INSL6: variants seen among roughly 807,000 people sequenced by gnomAD.
INSL6 encodes the protein insulin-like peptide INSL6.
In INSL6, 16 loss-of-function variants were observed where a neutral mutation model predicts 9.4. The ratio of observed to expected loss-of-function variants is 1.70; its 90% CI spans 1.15 to 2.59. The LOEUF (loss-of-function observed/expected upper bound fraction) is 2.59. Ranked by LOEUF, INSL6 falls within the 30% of genes most tolerant of loss-of-function variation. The pLI is 0.00. For synonymous variants in INSL6, 154 were observed against 96.9 expected, an observed-to-expected ratio of 1.59 and a Z score of -3.46; for missense variants, 391 against 257.3, an observed-to-expected ratio of 1.52 and a Z score of -3.56.
At chr9:5,039,001 C>A in the INSL6 span, among the ~76,000 whole-genome samples, 1 of 152,178 alleles carries the variant, frequency 6.6e-6, no homozygotes, top group South Asian at 2.1e-4. Context: ...TGGCAAGGAA[C>A]TTCCTCAATT....
At chr9:5,059,383 T>G in the INSL6 span, among the ~76,000 whole-genome samples, 1 of 152,222 alleles carries the variant, frequency 6.6e-6, no homozygotes, top group East Asian at 1.9e-4. Flanking sequence ...TTTATGTTGT[T>G]ACATGTGTCA....
At chr9:5,160,176 CA>C (rs567544530), downstream of INSL6, among the ~76,000 whole-genome samples, 34,281 of 83,568 alleles carry the variant, frequency 0.41, 4,102 homozygotes, top group African/African-American at 0.47. Context: ...AACTCGGTCT[CA>C]AAAAAAAAAA....
chr9:5,156,847 T>G (rs1440940526), intron 2 of INSL6, among the ~76,000 whole-genome samples: 3 of 151,948 alleles, frequency 2.0e-5, no homozygotes, highest in Non-Finnish European at 4.4e-5. Context: ...TACAAACACA[T>G]ACTAGCAACA....
At chr9:4,992,037 A>G in the INSL6 span, among the ~76,000 whole-genome samples, 1 of 152,334 alleles carries the variant, frequency 6.6e-6, no homozygotes, top group South Asian at 2.1e-4. Context: ...TAATTGAGAC[A>G]GGGCACACCA....
the INSL6 span, chr9:5,114,493 C>G: frequency 4.3e-6 from 2 of 466,680 alleles, no homozygotes; most frequent in Admixed American, 2.6e-5. Context: ...TGTGCTCCCC[C>G]ACAGGTCTAC....
chr9:5,023,469 T>C, the INSL6 span, among the ~76,000 whole-genome samples: 1 of 152,146 alleles, frequency 6.6e-6, no homozygotes, highest in Non-Finnish European at 1.5e-5. Flanking sequence ...ACTTCCTCAC[T>C]GGAATAGGAA....
At chr9:5,100,686 C>CTGAT in the INSL6 span, 1 of 152,176 alleles carries the variant, frequency 6.6e-6, no homozygotes, top group African/African-American at 2.4e-5. Flanking sequence ...TCATCACAGC[C>CTGAT]TGATAGAAGG....
chr9:5,009,246 A>T, the INSL6 span, among the ~76,000 whole-genome samples: 16 of 152,298 alleles, frequency 1.1e-4, no homozygotes, highest in African/African-American at 3.6e-4. Flanking sequence ...CGATCCATTT[A>T]TTTATTTCTA....
intron 3 of INSL6, chr9:5,132,685 G>A (rs1824314350): frequency 6.6e-6 from 1 of 152,138 alleles, no homozygotes; most frequent in African/African-American, 2.4e-5. Flanking sequence ...AATGGTTGTA[G>A]TAGTGAAACT....
chr9:5,018,143 G>T, the INSL6 span, among the ~76,000 whole-genome samples: 6 of 152,080 alleles, frequency 3.9e-5, no homozygotes, highest in Admixed American at 3.9e-4. Context: ...TTTATTAATT[G>T]ATTTCTGGTT....
chr9:5,056,314 G>A, the INSL6 span, among the ~76,000 whole-genome samples: 6 of 151,924 alleles, frequency 3.9e-5, no homozygotes, highest in Non-Finnish European at 8.8e-5. Context: ...TTATTTTAAT[G>A]TAAATAGGAG....
chr9:5,087,100 C>T, the INSL6 span, among the ~76,000 whole-genome samples: 14 of 152,108 alleles, frequency 9.2e-5, no homozygotes, highest in African/African-American at 3.4e-4. Context: ...TGGTTAGGCA[C>T]TTATGACTCT....
the INSL6 span, among the ~76,000 whole-genome samples, chr9:5,025,369 T>G: frequency 6.6e-6 from 1 of 152,210 alleles, no homozygotes; most frequent in Admixed American, 6.5e-5. Context: ...TAAGATGGAA[T>G]TGTCTTTCAT....
chr9:5,084,536 A>AT, the INSL6 span, among the ~76,000 whole-genome samples: 18 of 152,136 alleles, frequency 1.2e-4, no homozygotes, highest in Admixed American at 5.3e-4. Flanking sequence ...ATAATGGTAT[A>AT]TTTTTTTATT....
In INSL6 at chr9:5,164,259, G is replaced by C; in HGVS notation, c.296C>G (p.Thr99Ser). The C allele has an allele frequency of 6.3e-7, 1 of 1,595,964 alleles. No homozygotes were observed. Among genetic ancestry groups the C allele is most frequent in the Non-Finnish European group, 8.6e-7 (1 of 1,168,330 alleles). Residue 99 changes from threonine to serine, a missense_variant, in exon 2 of 2, where the codon ACT (threonine) becomes AGT (serine). Transcript: ENST00000381641. ...ARGRGTNPVS[T>S]SWEEAVNSWE... is the part of the protein sequence containing the mutation. ...ACTGTTTACTGCTTCTTCCCAAGAA[G>C]TAGACACTGTTGAGAGAGAAGAAAA...
At chr9:5,078,213 T>G in the INSL6 span, 1 of 1,026,074 alleles carries the variant, frequency 9.7e-7, no homozygotes, top group African/African-American at 1.6e-5. Flanking sequence ...CATGTATTTT[T>G]CTTCTTTAAA....
the INSL6 span, among the ~76,000 whole-genome samples, chr9:5,055,411 A>C: frequency 6.6e-6 from 1 of 151,890 alleles, no homozygotes; most frequent in Non-Finnish European, 1.5e-5. Flanking sequence ...GTTTCTACTA[A>C]TGTTAATTGA....
At chr9:5,133,766 C>T (rs1397386878) in intron 2 of INSL6, among the ~76,000 whole-genome samples, 1 of 151,950 alleles carries the variant, frequency 6.6e-6, no homozygotes, top group Non-Finnish European at 1.5e-5. Context: ...GTGAAAATTC[C>T]AAATGCCAGA....
chr9:5,032,288 G>A, the INSL6 span, among the ~76,000 whole-genome samples: 1 of 152,234 alleles, frequency 6.6e-6, no homozygotes, highest in Non-Finnish European at 1.5e-5. Context: ...AGCTCAAGGA[G>A]GCCTGCCGGC....
Sources: allele counts gnomAD v4.1 joint callset (sites outside exome capture counted in the v4.1 genomes callset), GRCh38; gene constraint gnomAD v4.1.1; transcripts MANE v1.5; gene names NCBI Gene and HGNC (gene_info 2026-07-23, HGNC 2026-07-21).